SLC39A11: variants seen among roughly 807,000 people sequenced by gnomAD.
The protein encoded by SLC39A11 is zinc transporter ZIP11.
SLC39A11 carries 33 observed loss-of-function variants against 36.1 expected under a neutral mutation model. The observed-to-expected ratio is 0.91, with a 90% confidence interval of 0.69 to 1.22. The LOEUF is 1.22. Ranked by LOEUF, SLC39A11 falls within the 50% of genes most tolerant of loss-of-function variation. The pLI, the probability that SLC39A11 is intolerant of heterozygous loss-of-function variation, is 0.00. For missense variants in SLC39A11, 432 were observed against 430.3 expected, an observed-to-expected ratio of 1.00 and a Z score of -0.03; for synonymous variants, 166 against 170.3, an observed-to-expected ratio of 0.97 and a Z score of 0.20.
chr17:72,961,455 A>G (rs1433030222), intron 4 of SLC39A11, among the ~76,000 whole-genome samples: 1 of 152,218 alleles, frequency 6.6e-6, no homozygotes, highest in African/African-American at 2.4e-5. Flanking sequence ...TTATTGCAGC[A>G]CTGTTCACAA....
At chr17:72,906,576 C>A (rs2082667275) in intron 5 of SLC39A11, among the ~76,000 whole-genome samples, 1 of 151,676 alleles carries the variant, frequency 6.6e-6, no homozygotes, top group African/African-American at 2.4e-5. Context: ...AGCTGGCCTG[C>A]CTTGCTGTGA....
At chr17:72,831,640 T>C (rs552545363) in intron 6 of SLC39A11, among the ~76,000 whole-genome samples, 1 of 152,380 alleles carries the variant, frequency 6.6e-6, no homozygotes, top group African/African-American at 2.4e-5. Flanking sequence ...ATTGCTATCG[T>C]AAAAATGCAA....
intron 5 of SLC39A11, among the ~76,000 whole-genome samples, chr17:72,931,120 G>C (rs940271893): frequency 1.3e-5 from 2 of 152,120 alleles, no homozygotes; most frequent in African/African-American, 2.4e-5. Context: ...AGATGGAAGA[G>C]GGGCAGATCA....
At chr17:72,711,698 G>A (rs183665892) in intron 7 of SLC39A11, among the ~76,000 whole-genome samples, 11 of 152,312 alleles carry the variant, frequency 7.2e-5, no homozygotes, top group Admixed American at 6.5e-4. Context: ...TGGGGACACA[G>A]GAACATTTAG....
chr17:72,876,675 A>G (rs1481558158), intron 5 of SLC39A11, among the ~76,000 whole-genome samples: 2 of 152,062 alleles, frequency 1.3e-5, no homozygotes, highest in African/African-American at 4.8e-5. Flanking sequence ...TGTGCTTCCT[A>G]TTGACCAACT....
intron 6 of SLC39A11, among the ~76,000 whole-genome samples, chr17:72,758,194 G>A (rs572889881): frequency 1.3e-5 from 2 of 152,246 alleles, no homozygotes; most frequent in East Asian, 1.9e-4. Flanking sequence ...TCTTTAGTTA[G>A]TATTTATTGA....
At chr17:72,932,830 G>A (rs2084500660) in intron 5 of SLC39A11, among the ~76,000 whole-genome samples, 1 of 152,200 alleles carries the variant, frequency 6.6e-6, no homozygotes, top group African/African-American at 2.4e-5. Context: ...CCGCTAAGGA[G>A]TCGAGTCAGA....
At position 72,988,053 on chromosome 17, in the gene SLC39A11, A is replaced by G. The variant is rs546958646; in HGVS notation, c.307-40178T>C. Among the ~76,000 whole-genome samples the G allele has an allele frequency of 3.3e-5, 5 of 152,326 alleles. No homozygotes were observed. In the East Asian group the frequency reaches 5.8e-4, roughly 18 times the overall value. On this transcript the variant is annotated intron_variant, in intron 4 of 9. Coordinates refer to ENST00000255559, the MANE Select transcript of SLC39A11 (RefSeq NM_139177.4). ...TATGGGGTCCATGAGATGTTTTGAC[A>G]CAGCCATGCAGTGTGAAATAAGCAC...
At chr17:72,942,212 G>A (rs1486490717) in intron 5 of SLC39A11, among the ~76,000 whole-genome samples, 6 of 151,904 alleles carry the variant, frequency 3.9e-5, no homozygotes, top group Non-Finnish European at 7.4e-5. Context: ...CCCAGGTTAC[G>A]GGTCTTAGCC....
At chr17:73,063,521 A>T (rs893578537) in intron 3 of SLC39A11, among the ~76,000 whole-genome samples, 27 of 152,186 alleles carry the variant, frequency 1.8e-4, no homozygotes, top group Admixed American at 1.6e-3. Context: ...AGGCTGAGGC[A>T]GGAGAATCAC....
At chr17:72,950,197 A>G (rs2085765403) in intron 4 of SLC39A11, among the ~76,000 whole-genome samples, 1 of 152,236 alleles carries the variant, frequency 6.6e-6, no homozygotes, top group Non-Finnish European at 1.5e-5. Flanking sequence ...CTTTTAATAA[A>G]GGTGCCAACA....
At chr17:72,832,370 A>T (rs1179830218) in intron 6 of SLC39A11, among the ~76,000 whole-genome samples, 1 of 152,196 alleles carries the variant, frequency 6.6e-6, no homozygotes, top group Non-Finnish European at 1.5e-5. Flanking sequence ...CCCCTCGAAT[A>T]TTCTGTGGAG....
intron 6 of SLC39A11, among the ~76,000 whole-genome samples, chr17:72,842,846 G>T (rs183651159): frequency 6.6e-6 from 1 of 152,112 alleles, no homozygotes; most frequent in Admixed American, 6.6e-5. Context: ...TTTTTACTGC[G>T]CCTGCCTGCA....
intron 6 of SLC39A11, among the ~76,000 whole-genome samples, chr17:72,805,142 T>A (rs775320963): frequency 1.3e-5 from 2 of 152,168 alleles, no homozygotes; most frequent in East Asian, 3.9e-4. Flanking sequence ...CCCTCCTGTG[T>A]GTGTAAATAT....
At chr17:72,745,209 G>A (rs900058011) in intron 6 of SLC39A11, among the ~76,000 whole-genome samples, 2 of 152,236 alleles carry the variant, frequency 1.3e-5, no homozygotes, top group East Asian at 3.9e-4. Flanking sequence ...GGTAATGAGT[G>A]GATGGGAAAG....
In SLC39A11 at chr17:72,980,296, C is replaced by T. The variant is rs112985809; in HGVS notation, c.307-32421G>A. ...TATGTCATGAAATAGGAGACCCCGT[C>T]TGTAATACTCATAAAAGGAAATGAA... is the stretch of plus-strand genomic sequence containing the variant. On this transcript the variant is annotated intron_variant, in intron 4 of 9. Coordinates refer to ENST00000255559, the MANE Select transcript of SLC39A11 (RefSeq NM_139177.4). Among the ~76,000 whole-genome samples, 558 of 152,270 alleles carry T rather than the reference C, an allele frequency of 3.7e-3. 7 individuals are homozygous for T. Among genetic ancestry groups the T allele is most frequent in the African/African-American group, 0.012 (503 of 41,540 alleles).
In SLC39A11 at chr17:72,916,793, C is replaced by G. The variant is rs72850913; in HGVS notation, c.430+30959G>C. ...CCCAAAAGGCTTCCCCATCTCCCTC[C>G]GCACCTCAATTCATGGCAAGCCCAC... is the stretch of plus-strand genomic sequence containing the variant. On this transcript the variant is annotated intron_variant, in intron 5 of 9. Coordinates refer to ENST00000255559, the MANE Select transcript of SLC39A11 (RefSeq NM_139177.4). Among the ~76,000 whole-genome samples, 6 of 152,152 alleles carry G rather than the reference C, an allele frequency of 3.9e-5. No homozygotes were observed. In the East Asian group the frequency reaches 9.6e-4, roughly 24 times the overall value.
chr17:72,894,048 A>G (rs985064722), intron 5 of SLC39A11, among the ~76,000 whole-genome samples: 9 of 152,050 alleles, frequency 5.9e-5, no homozygotes, highest in African/African-American at 2.2e-4. Flanking sequence ...CAAAATAACC[A>G]ATGCTCATGA....
At chr17:72,976,251 T>C (rs2087843547) in intron 4 of SLC39A11, among the ~76,000 whole-genome samples, 1 of 151,668 alleles carries the variant, frequency 6.6e-6, no homozygotes, top group African/African-American at 2.4e-5. Context: ...AAATTATTAT[T>C]ATTATTTTAA....
Sources: gnomAD v4.1 joint callset for allele counts (sites outside exome capture counted in the v4.1 genomes callset) on GRCh38, gnomAD v4.1.1 for gene constraint, MANE v1.5 for transcripts, NCBI Gene and HGNC (gene_info 2026-07-23, HGNC 2026-07-21) for gene names.